Variants in SMCHD1 observed in about 807,000 individuals in gnomAD.
The protein encoded by SMCHD1 is structural maintenance of chromosomes flexible hinge domain-containing protein 1.
In SMCHD1, 78 loss-of-function variants were observed where a neutral mutation model predicts 254.7. That is an observed-to-expected ratio of 0.31 (90% confidence interval 0.26 to 0.37). The LOEUF (loss-of-function observed/expected upper bound fraction) is 0.37. Ranked by LOEUF, SMCHD1 falls within the 10% of genes least tolerant of loss-of-function variation. The pLI is 1.00. For missense variants in SMCHD1, 1,840 were observed against 2,408.1 expected, an observed-to-expected ratio of 0.76 and a Z score of 4.94; for synonymous variants, 766 against 794.9, an observed-to-expected ratio of 0.96 and a Z score of 0.61.
In SMCHD1 at chr18:2,718,274, T is replaced by C; in HGVS notation, c.2338+39T>C. Reference sequence around the variant, plus strand: ...CTGAATGTTAAAAAATACATTGGTATTGTGTTGACTTGATTTTTAATTTCT... The same window carrying C: ...CTGAATGTTAAAAAATACATTGGTACTGTGTTGACTTGATTTTTAATTTCT... On this transcript the variant is annotated intron_variant, in intron 18 of 47. Transcript: ENST00000320876. This position sits in a 1 kb window ranked among gnomAD's most constrained non-coding sequence, Gnocchi z 4.6. The C allele has an allele frequency of 6.2e-7, 1 of 1,608,386 alleles. No homozygotes were observed.
intron 47 of SMCHD1, among the ~76,000 whole-genome samples, chr18:2,799,624 C>T (rs2076324179): frequency 6.6e-6 from 1 of 152,210 alleles, no homozygotes; most frequent in African/African-American, 2.4e-5. Context: ...ATGACTCTTA[C>T]TTAGGCCACC....
chr18:2,729,481 AT>A, intron 24 of SMCHD1, 72 bp downstream of exon 24: 1 of 1,168,418 alleles, frequency 8.6e-7, no homozygotes, highest in Non-Finnish European at 1.1e-6. Context: ...GCTTAATAAC[AT>A]TTTTTGCAAA....
intron 5 of SMCHD1, among the ~76,000 whole-genome samples, chr18:2,675,759 A>G (rs750321202): frequency 6.6e-5 from 10 of 152,228 alleles, no homozygotes; most frequent in Non-Finnish European, 1.2e-4. Context: ...GAAAAACATC[A>G]GTTATATCAA....
chr18:2,693,724 C>A (rs543492002), intron 7 of SMCHD1, among the ~76,000 whole-genome samples: 90 of 152,270 alleles, frequency 5.9e-4, no homozygotes, highest in African/African-American at 2.1e-3. Context: ...CTCAGCCTCC[C>A]GGGCTCAAGC....
chr18:2,714,126 A>G (rs2074743088), intron 17 of SMCHD1, among the ~76,000 whole-genome samples: 1 of 152,130 alleles, frequency 6.6e-6, no homozygotes, highest in Non-Finnish European at 1.5e-5. Context: ...ATTGCTTTCT[A>G]TGTCTTCTTA....
At chr18:2,688,284 G>C (rs2074097631) in intron 5 of SMCHD1, 110 bp from the exon 6 acceptor site, 1 of 712,688 alleles carries the variant, frequency 1.4e-6, no homozygotes, top group Non-Finnish European at 2.4e-6. Flanking sequence ...TTCAGTTAGG[G>C]GTGTTTGCAG....
intron 7 of SMCHD1, among the ~76,000 whole-genome samples, chr18:2,693,461 A>G (rs1376524964): frequency 6.6e-6 from 1 of 152,238 alleles, no homozygotes; most frequent in African/African-American, 2.4e-5. Flanking sequence ...GTTGTAACAG[A>G]ATGGTAAATA....
chr18:2,724,853 C>T, intron 20 of SMCHD1, 46 bp from the exon 21 acceptor site: 1 of 1,091,208 alleles, frequency 9.2e-7, no homozygotes, highest in South Asian at 1.8e-5. Flanking sequence ...TTGCAGCTTA[C>T]TTGTAGGCAA....
intron 1 of SMCHD1, among the ~76,000 whole-genome samples, chr18:2,660,166 A>G (rs958587038): frequency 2.0e-5 from 3 of 152,080 alleles, no homozygotes; most frequent in Admixed American, 6.5e-5. Flanking sequence ...TCTACTAAAA[A>G]TACAAATATT....
At chr18:2,761,578 A>G (rs1386201669) in intron 35 of SMCHD1, among the ~76,000 whole-genome samples, 3 of 152,166 alleles carry the variant, frequency 2.0e-5, no homozygotes, top group African/African-American at 7.2e-5. Context: ...GCAGTTTGGG[A>G]GGCCGAGGTG....
intron 2 of SMCHD1, 54 bp from the exon 3 acceptor site, chr18:2,666,812 AAGTT>A (rs2073453523): frequency 7.4e-7 from 1 of 1,347,404 alleles, no homozygotes; most frequent in Non-Finnish European, 1.0e-6. Flanking sequence ...TCACAATTAT[AAGTT>A]CATTGAGTTT....
chr18:2,694,440 A>T, intron 7 of SMCHD1, 87 bp from the exon 8 acceptor site: 1 of 1,152,806 alleles, frequency 8.7e-7, no homozygotes, highest in East Asian at 2.6e-5. Context: ...AACTCCAAGT[A>T]AATCACATTA....
intron 45 of SMCHD1, among the ~76,000 whole-genome samples, chr18:2,785,513 G>A (rs1417950720): frequency 4.0e-5 from 6 of 151,728 alleles, no homozygotes; most frequent in African/African-American, 1.2e-4. Flanking sequence ...TTAGCTGGGC[G>A]TGGTGACACG....
At chr18:2,684,000 T>G (rs1350631146) in intron 5 of SMCHD1, among the ~76,000 whole-genome samples, 3 of 152,182 alleles carry the variant, frequency 2.0e-5, no homozygotes, top group Non-Finnish European at 2.9e-5. Context: ...CTTTGTATTA[T>G]TACATTTAAT....
chr18:2,802,601 T>C lies in SMCHD1; in HGVS notation c.*49T>C. 6.6e-7 allele frequency: 1 copy of C among 1,507,946 alleles called. No individual in the cohort carries two copies. Among genetic ancestry groups the C allele is most frequent in the Non-Finnish European group, 8.9e-7 (1 of 1,120,030 alleles). The allele number at this position is 1,507,946 out of a possible 1,614,324, so 93.4% of individuals were successfully genotyped here. On this transcript the variant is annotated 3_prime_UTR_variant, in exon 48 of 48. Coordinates refer to ENST00000320876, the MANE Select transcript of SMCHD1 (RefSeq NM_015295.3). Reference sequence around the variant, plus strand: ...TTGGTCTCAGTAAGAATGCCCTGCTTTCTGCATCTCTGTTTCAGAAGACCA... The same window carrying C: ...TTGGTCTCAGTAAGAATGCCCTGCTCTCTGCATCTCTGTTTCAGAAGACCA...
At chr18:2,661,052 A>G (rs1233942955) in intron 1 of SMCHD1, among the ~76,000 whole-genome samples, 3 of 152,214 alleles carry the variant, frequency 2.0e-5, no homozygotes, top group Non-Finnish European at 4.4e-5. Context: ...GCTGGAAGCC[A>G]TCATTCTCAG....
intron 1 of SMCHD1, among the ~76,000 whole-genome samples, chr18:2,662,204 G>T (rs28498601): frequency 0.07 from 2,366 of 33,630 alleles, 62 homozygotes; most frequent in African/African-American, 0.1. Flanking sequence ...AATAAATAAA[G>T]AAAGAAAGAA....
At chr18:2,737,451 T>C (rs2075272367) in intron 25 of SMCHD1, among the ~76,000 whole-genome samples, 1 of 152,192 alleles carries the variant, frequency 6.6e-6, no homozygotes, top group African/African-American at 2.4e-5. Context: ...CCAGATGTGG[T>C]GGCTCACACA....
At chr18:2,662,174 AAAAATAAAATAAAT>A (rs1476161419) in intron 1 of SMCHD1, among the ~76,000 whole-genome samples, 1 of 90,436 alleles carries the variant, frequency 1.1e-5, no homozygotes, top group African/African-American at 8.1e-5. Context: ...TCAAAAAAAA[AAAAATAAAATAAAT>A]AAATAAATAA....
Sources: allele counts gnomAD v4.1 joint callset (sites outside exome capture counted in the v4.1 genomes callset), GRCh38; gene constraint gnomAD v4.1.1; non-coding constraint Gnocchi (gnomAD v3.1); transcripts MANE v1.5; gene names NCBI Gene and HGNC (gene_info 2026-07-23, HGNC 2026-07-21).